The following CIRSR variants were observed in gnomAD, a reference collection of about 807,000 sequenced individuals.
CIRSR encodes corepressor of RBPJ and splicing regulator.
the CIRSR span, among the ~76,000 whole-genome samples, chr2:174,394,321 C>T: frequency 6.6e-6 from 1 of 152,094 alleles, no homozygotes; most frequent in Non-Finnish European, 1.5e-5. Flanking sequence ...TAACAGCTGA[C>T]CCCCTAAGTA....
At chr2:174,354,332 A>G in the CIRSR span, among the ~76,000 whole-genome samples, 24 of 137,082 alleles carry the variant, frequency 1.8e-4, no homozygotes, top group Admixed American at 5.1e-4. Flanking sequence ...ACTTTCTTAT[A>G]TAAGAAATTG....
At chr2:174,390,212 T>C in the CIRSR span, among the ~76,000 whole-genome samples, 1 of 152,262 alleles carries the variant, frequency 6.6e-6, no homozygotes. Context: ...GGTTATACCC[T>C]GCAAAGCCAC....
At chr2:174,360,228 G>T in the CIRSR span, among the ~76,000 whole-genome samples, 22 of 151,680 alleles carry the variant, frequency 1.5e-4, no homozygotes. Flanking sequence ...TAAAAAACTG[G>T]TGTGTAATAT....
the CIRSR span, among the ~76,000 whole-genome samples, chr2:174,356,434 A>C: frequency 6.6e-6 from 1 of 151,902 alleles, no homozygotes; most frequent in Non-Finnish European, 1.5e-5. Context: ...TCACCACTGC[A>C]CTCCGGCCTC....
chr2:174,379,656 T>G, the CIRSR span, among the ~76,000 whole-genome samples: 1 of 152,062 alleles, frequency 6.6e-6, no homozygotes, highest in Non-Finnish European at 1.5e-5. Flanking sequence ...TCTCCAAATT[T>G]TTTGAAAACT....
chr2:174,348,865 G>A, the CIRSR span: 2,403 of 1,614,078 alleles, frequency 1.5e-3, 4 homozygotes, highest in Non-Finnish European at 1.9e-3. Context: ...GCTTTTTCCC[G>A]GTTATGGTGA....
the CIRSR span, chr2:174,348,529 C>T: frequency 6.2e-7 from 1 of 1,613,654 alleles, no homozygotes; most frequent in South Asian, 1.1e-5. Context: ...GTATGTGTAC[C>T]TCCTGGGTGC....
At chr2:174,375,472 G>C in the CIRSR span, among the ~76,000 whole-genome samples, 2 of 152,134 alleles carry the variant, frequency 1.3e-5, no homozygotes, top group Non-Finnish European at 2.9e-5. Flanking sequence ...GCTGGGCATG[G>C]TGGCTTATGC....
At chr2:174,352,493 A>G in the CIRSR span, among the ~76,000 whole-genome samples, 1 of 152,226 alleles carries the variant, frequency 6.6e-6, no homozygotes, top group African/African-American at 2.4e-5. Flanking sequence ...TCATGCGTGT[A>G]ATCCCAGCAT....
chr2:174,376,523 C>T, the CIRSR span, among the ~76,000 whole-genome samples: 172 of 142,130 alleles, frequency 1.2e-3, no homozygotes, highest in African/African-American at 1.7e-3. Flanking sequence ...GAGGGCCGGG[C>T]GCGGTGGCTC....
the CIRSR span, chr2:174,387,596 CA>C: frequency 2.8e-6 from 4 of 1,407,282 alleles, no homozygotes; most frequent in Non-Finnish European, 1.9e-6. Flanking sequence ...TATTTGATTC[CA>C]AAAAACTGAC....
At chr2:174,350,661 T>C in the CIRSR span, 3 of 1,587,642 alleles carry the variant, frequency 1.9e-6, no homozygotes, top group Non-Finnish European at 1.7e-6. Flanking sequence ...CTAAATTACC[T>C]GAGAAGTTTC....
the CIRSR span, chr2:174,351,650 C>T: frequency 2.5e-6 from 4 of 1,613,720 alleles, no homozygotes; most frequent in South Asian, 1.1e-5. Context: ...CAAGTTTCTC[C>T]CCAGTACATT....
At chr2:174,377,940 T>C in the CIRSR span, among the ~76,000 whole-genome samples, 1 of 150,976 alleles carries the variant, frequency 6.6e-6, no homozygotes, top group African/African-American at 2.4e-5. Context: ...AGAAGCAGGA[T>C]CTCTAGCTAG....
At chr2:174,355,706 G>A in the CIRSR span, among the ~76,000 whole-genome samples, 1 of 152,156 alleles carries the variant, frequency 6.6e-6, no homozygotes, top group South Asian at 2.1e-4. Flanking sequence ...TACTCACTAA[G>A]AGTATTCATT....
chr2:174,350,832 T>G, the CIRSR span: 1 of 961,454 alleles, frequency 1.0e-6, no homozygotes. Context: ...AAATAAGTTT[T>G]GTATCAGGGA....
chr2:174,373,718 T>C, the CIRSR span, among the ~76,000 whole-genome samples: 1 of 151,750 alleles, frequency 6.6e-6, no homozygotes, highest in Non-Finnish European at 1.5e-5. Context: ...TTAGACTGTT[T>C]ACAATGGTGA....
chr2:174,348,282 C>A, the CIRSR span: 1 of 596,680 alleles, frequency 1.7e-6, no homozygotes, highest in Non-Finnish European at 2.6e-6. Context: ...CCCAAAATAG[C>A]TTACTTACAA....
chr2:174,395,446 G>A, the CIRSR span: 32 of 1,127,362 alleles, frequency 2.8e-5, no homozygotes, highest in Non-Finnish European at 3.7e-5. Context: ...CTAGAGAAGC[G>A]GAGGCTGTCC....
Sources: gnomAD v4.1 joint callset for allele counts (sites outside exome capture counted in the v4.1 genomes callset) on GRCh38, gnomAD v4.1.1 for gene constraint, MANE v1.5 for transcripts, NCBI Gene and HGNC (gene_info 2026-07-23, HGNC 2026-07-21) for gene names.